The following RTN3 variants were observed in gnomAD, a reference collection of about 807,000 sequenced individuals.
RTN3 encodes the protein reticulon-3.
Under a neutral mutation model 77.8 loss-of-function variants are expected in RTN3, and 49 were observed. That is an observed-to-expected ratio of 0.63 (90% CI 0.50 to 0.80). RTN3 has a LOEUF of 0.80. Among genes scored for constraint, RTN3 ranks in the 30% least tolerant of loss-of-function variants. RTN3 has a pLI of 0.00. For synonymous variants in RTN3, 464 were observed against 446.9 expected (o/e 1.04, Z -0.48); for missense variants, 1,236 against 1,211.9 (o/e 1.02, Z -0.29).
At chr11:63,693,587 G>A (rs954626498) in intron 1 of RTN3, among the ~76,000 whole-genome samples, 19 of 152,120 alleles carry the variant, frequency 1.2e-4, no homozygotes, top group African/African-American at 4.6e-4. Flanking sequence ...AAGTCAAATT[G>A]TAAACTTTGT....
chr11:63,726,830 A>G (rs1161387854), intron 3 of RTN3, among the ~76,000 whole-genome samples: 1 of 151,144 alleles, frequency 6.6e-6, no homozygotes, highest in Non-Finnish European at 1.5e-5. Flanking sequence ...CCATTGCACT[A>G]CAGCCTGGGT....
intron 1 of RTN3, 112 bp downstream of exon 1, chr11:63,681,890 G>A: frequency 8.6e-7 from 1 of 1,159,524 alleles, no homozygotes; most frequent in Non-Finnish European, 1.2e-6. Flanking sequence ...GACTACTGAC[G>A]GCTTCAGCCC....
At chr11:63,712,545 GTGTGATCTT>G (rs2011189068) in intron 2 of RTN3, among the ~76,000 whole-genome samples, 1 of 147,046 alleles carries the variant, frequency 6.8e-6, no homozygotes, top group Admixed American at 6.9e-5. Flanking sequence ...GAGTGCAGTG[GTGTGATCTT>G]GGCTCACCGC....
chr11:63,712,632 T>C (rs1282910359), intron 2 of RTN3, among the ~76,000 whole-genome samples: 1 of 151,810 alleles, frequency 6.6e-6, no homozygotes, highest in African/African-American at 2.4e-5. Flanking sequence ...ATTATAGGCA[T>C]GCGCCACCAC....
chr11:63,749,751 C>T (rs2013999921), intron 3 of RTN3, among the ~76,000 whole-genome samples: 1 of 152,154 alleles, frequency 6.6e-6, no homozygotes, highest in African/African-American at 2.4e-5. Flanking sequence ...GAACCAAGTA[C>T]AGTGGCACAC....
intron 2 of RTN3, among the ~76,000 whole-genome samples, chr11:63,706,212 C>T (rs939883196): frequency 6.6e-6 from 1 of 151,910 alleles, no homozygotes; most frequent in African/African-American, 2.4e-5. Flanking sequence ...GATAGGGTCT[C>T]ACTCTGTCAC....
chr11:63,758,196 GAAT>G lies in RTN3; in HGVS notation c.3097_3099del (p.Ter1033delextTer10). Reference sequence around the variant, plus strand: ...CCCTGGAATCGCCAAAAAAAAGGCAGAATAAGTACATGGAAACCAGAAATGCAA... The same window carrying G: ...CCCTGGAATCGCCAAAAAAAAGGCAGAAGTACATGGAAACCAGAAATGCAA... On this transcript the variant is annotated stop_lost and inframe_deletion, in exon 9 of 9. Coordinates refer to ENST00000377819, the MANE Select transcript of RTN3 (RefSeq NM_001265589.2). The G allele has an allele frequency of 6.2e-7, 1 of 1,612,754 alleles. No homozygotes were observed. Among genetic ancestry groups the G allele is most frequent in the Non-Finnish European group, 8.5e-7 (1 of 1,179,558 alleles).
chr11:63,752,994 G>T, intron 5 of RTN3, 75 bp from the exon 6 acceptor site: 1 of 1,335,342 alleles, frequency 7.5e-7, no homozygotes, highest in South Asian at 1.2e-5. Flanking sequence ...TAATTAGCTG[G>T]AGGAGAATGA....
At chr11:63,715,796 G>T (rs2011363021) in intron 2 of RTN3, among the ~76,000 whole-genome samples, 1 of 152,192 alleles carries the variant, frequency 6.6e-6, no homozygotes, top group Non-Finnish European at 1.5e-5. Flanking sequence ...TTCACTGAAT[G>T]TTTTGTGGTA....
chr11:63,742,151 T>G (rs1176921553), intron 3 of RTN3, among the ~76,000 whole-genome samples: 4 of 151,006 alleles, frequency 2.6e-5, no homozygotes, highest in African/African-American at 9.7e-5. Context: ...GGCTAATTTT[T>G]TGTATTTTTA....
chr11:63,756,544 G>A lies in RTN3; in HGVS notation c.3053+374G>A, dbSNP rs140899878. Among the ~76,000 whole-genome samples the A allele has an allele frequency of 3.3e-5, 5 of 152,074 alleles. No homozygotes were observed. In the East Asian group the frequency reaches 5.8e-4, roughly 18 times the overall value. On this transcript the variant is annotated intron_variant, in intron 8 of 8. Transcript: ENST00000377819. ...AAAAATTAGCTGTGCATGGTAACAC[G>A]TGCCTTTAGTCCCAGCTACTGGAGA...
intron 4 of RTN3, 129 bp downstream of exon 4, chr11:63,750,327 G>A: frequency 1.3e-6 from 1 of 760,842 alleles, no homozygotes; most frequent in Non-Finnish European, 2.1e-6. Context: ...TTGGTGGCAT[G>A]AAGCATCCCC....
intron 1 of RTN3, among the ~76,000 whole-genome samples, chr11:63,685,135 G>A (rs926609809): frequency 6.6e-6 from 1 of 152,038 alleles, no homozygotes; most frequent in South Asian, 2.1e-4. Flanking sequence ...ATACAGTTTT[G>A]GTGGGCCCAA....
chr11:63,683,972 T>TTTA (rs1375625604), intron 1 of RTN3, among the ~76,000 whole-genome samples: 4 of 136,112 alleles, frequency 2.9e-5, no homozygotes, highest in Non-Finnish European at 4.8e-5. Context: ...TTTTTTTTTT[T>TTTA]AGACAAGGTC....
chr11:63,698,044 C>T (rs1942053966), intron 1 of RTN3, among the ~76,000 whole-genome samples: 1 of 151,990 alleles, frequency 6.6e-6, no homozygotes, highest in Non-Finnish European at 1.5e-5. Context: ...ACCTTCACTC[C>T]TCAGTCTTCA....
intron 3 of RTN3, among the ~76,000 whole-genome samples, chr11:63,733,930 A>G: frequency 6.6e-6 from 1 of 152,022 alleles, no homozygotes; most frequent in East Asian, 1.9e-4. Flanking sequence ...GTATGTATAT[A>G]TGTATATACA....
At chr11:63,710,736 T>A (rs2011141209) in intron 2 of RTN3, among the ~76,000 whole-genome samples, 1 of 152,158 alleles carries the variant, frequency 6.6e-6, no homozygotes, top group African/African-American at 2.4e-5. Context: ...GAAACCAGTT[T>A]CGTTGCCTGG....
chr11:63,752,934 C>T, intron 5 of RTN3, 135 bp from the exon 6 acceptor site: 4 of 910,276 alleles, frequency 4.4e-6, no homozygotes, highest in Non-Finnish European at 7.0e-6. Flanking sequence ...AAGTAGGGAA[C>T]CTTCATTTGG....
chr11:63,727,825 TGA>T (rs1044682628), intron 3 of RTN3, among the ~76,000 whole-genome samples: 12 of 152,112 alleles, frequency 7.9e-5, no homozygotes, highest in African/African-American at 1.4e-4. Flanking sequence ...GAGAGGAAAG[TGA>T]GAGAGAGACT....
Sources: gnomAD v4.1 joint callset for allele counts (sites outside exome capture counted in the v4.1 genomes callset) on GRCh38, gnomAD v4.1.1 for gene constraint, MANE v1.5 for transcripts, NCBI Gene and HGNC (gene_info 2026-07-23, HGNC 2026-07-21) for gene names.